Variants in QTRT2 observed in about 807,000 individuals in gnomAD.
QTRT2 encodes the protein queuine tRNA-ribosyltransferase accessory subunit 2, also known as queuine tRNA-ribosyltransferase domain containing 1.
Under a neutral mutation model 44.8 loss-of-function variants are expected in QTRT2, and 32 were observed. The observed-to-expected ratio is 0.71, with a 90% CI of 0.54 to 0.96. The LOEUF is 0.96. Among genes scored for constraint, QTRT2 ranks in the 40% least tolerant of loss-of-function variants. The pLI is 0.00. For synonymous variants in QTRT2, 182 were observed against 187.4 expected (o/e 0.97, Z 0.24); for missense variants, 461 against 503.1 (o/e 0.92, Z 0.80).
chr3:114,084,628 G>A (rs1031087114), intron 9 of QTRT2, among the ~76,000 whole-genome samples: 5 of 152,146 alleles, frequency 3.3e-5, no homozygotes, highest in African/African-American at 1.2e-4. Context: ...CTTAGGCCTA[G>A]TGTGTGCCCA....
intron 8 of QTRT2, among the ~76,000 whole-genome samples, chr3:114,082,083 G>A (rs1374716124): frequency 2.6e-5 from 4 of 152,010 alleles, no homozygotes; most frequent in Non-Finnish European, 5.9e-5. Context: ...TAGAGGGCCA[G>A]TGTCTCCATA....
intron 4 of QTRT2, 105 bp from the exon 5 acceptor site, chr3:114,067,882 G>T: frequency 1.2e-6 from 1 of 867,242 alleles, no homozygotes; most frequent in Non-Finnish European, 1.9e-6. Context: ...ACAGTGTTTA[G>T]AGTTGCTTTA....
chr3:114,083,286 G>T (rs1433121999), intron 9 of QTRT2, among the ~76,000 whole-genome samples: 1 of 143,682 alleles, frequency 7.0e-6, no homozygotes, highest in Non-Finnish European at 1.5e-5. Flanking sequence ...TGTTGTTGTT[G>T]CTGTTGTTGT....
At chr3:114,061,028 C>T (rs2076880623) in intron 2 of QTRT2, among the ~76,000 whole-genome samples, 2 of 152,152 alleles carry the variant, frequency 1.3e-5, no homozygotes, top group Admixed American at 6.5e-5. Context: ...CAATTTCAAA[C>T]TTATGTTTAT....
intron 5 of QTRT2, among the ~76,000 whole-genome samples, chr3:114,070,045 T>A (rs151293963): frequency 0.012 from 1,871 of 152,116 alleles, 19 homozygotes; most frequent in Non-Finnish European, 0.021. Context: ...GAGGAGTGAG[T>A]GATCGATTAT....
chr3:114,069,263 T>G (rs1406657829), intron 5 of QTRT2, among the ~76,000 whole-genome samples: 2 of 152,124 alleles, frequency 1.3e-5, no homozygotes, highest in African/African-American at 2.4e-5. Context: ...TTTATTTTTG[T>G]TTCGGGGGTA....
In QTRT2 at chr3:114,086,041, G is replaced by T. The variant is rs1190737568; in HGVS notation, c.*137G>T. On this transcript the variant is annotated 3_prime_UTR_variant, in exon 10 of 10. Coordinates refer to ENST00000281273, the MANE Select transcript of QTRT2 (RefSeq NM_024638.4). ...AGGTCTGCTTAAATAAAGAATCTTT[G>T]TACCAAACTGCCCACATGAGGGTGA... 2.8e-6 allele frequency: 2 copies of T among 705,648 alleles called. No individual in the cohort carries two copies. Among genetic ancestry groups the T allele is most frequent in the Admixed American group, 2.5e-5 (1 of 39,900 alleles). 43.7% of individuals were successfully genotyped at this position (705,648 alleles called of 1,614,324 possible).
chr3:114,084,876 C>T (rs1367789631), intron 9 of QTRT2, among the ~76,000 whole-genome samples: 1 of 152,142 alleles, frequency 6.6e-6, no homozygotes, highest in Admixed American at 6.5e-5. Flanking sequence ...AAATAGTTAT[C>T]TCCAAGAATG....
At chr3:114,069,848 T>C (rs1391201615) in intron 5 of QTRT2, among the ~76,000 whole-genome samples, 1 of 152,144 alleles carries the variant, frequency 6.6e-6, no homozygotes, top group African/African-American at 2.4e-5. Flanking sequence ...AACTAGGAGA[T>C]TTAAGTCTTT....
In QTRT2 at chr3:114,070,760, C is replaced by T. The variant is rs74391826; in HGVS notation, c.468C>T (p.Ser156=). Reference sequence around the variant, plus strand: ...AAGTATCTTGTAAGGAAGCAACTTCCATAAAAAGGGTCAGAAAGTCTGTTG... The same window carrying T: ...AAGTATCTTGTAAGGAAGCAACTTCTATAAAAAGGGTCAGAAAGTCTGTTG... ...DGEVSCKEAT[S]IKRVRKSVDR... is the part of the protein sequence containing the mutation. Residue 156 remains serine (S), a synonymous_variant, in exon 6 of 10, where the codon TCC becomes TCT. Transcript: ENST00000281273. The T allele has an allele frequency of 1.5e-4, 245 of 1,613,966 alleles. 2 individuals are homozygous for T. The African/African-American group carries it at 3.1e-3, about 21-fold the overall frequency.
intron 2 of QTRT2, among the ~76,000 whole-genome samples, chr3:114,064,970 G>C (rs746260153): frequency 6.6e-6 from 1 of 151,996 alleles, no homozygotes; most frequent in East Asian, 1.9e-4. Flanking sequence ...TCATTTGTTT[G>C]GTTTTCATCA....
chr3:114,065,179 T>G, intron 2 of QTRT2, 58 bp from the exon 3 acceptor site: 1 of 1,185,178 alleles, frequency 8.4e-7, no homozygotes, highest in Non-Finnish European at 1.2e-6. Flanking sequence ...TTTTGCAAAA[T>G]GCTTGGCCTC....
chr3:114,068,025 C>T lies in QTRT2; in HGVS notation c.295C>T (p.Pro99Ser). The T allele has an allele frequency of 6.2e-7, 1 of 1,613,920 alleles. No individual in the cohort carries two copies. The part of the protein sequence containing the change: ...ESLLYCSLHD[P>S]VSPCPAGYVT... ...ACTCTTGTACTGCTCCCTGCACGAT[C>T]CAGTCAGCCCCTGCCCGGCTGGTTA... Residue 99 changes from proline (P) to serine (S), a missense_variant, in exon 5 of 10, where the codon CCA (proline) becomes TCA (serine). By Grantham distance (74) the Pro-to-Ser change is moderately conservative. Coordinates refer to ENST00000281273, the MANE Select transcript of QTRT2 (RefSeq NM_024638.4).
intron 6 of QTRT2, among the ~76,000 whole-genome samples, chr3:114,074,689 T>A (rs1254778876): frequency 6.6e-6 from 1 of 152,244 alleles, no homozygotes; most frequent in Non-Finnish European, 1.5e-5. Flanking sequence ...CATCCCTTTC[T>A]TCTACTGGAG....
chr3:114,071,918 C>G (rs1462623831), intron 6 of QTRT2, among the ~76,000 whole-genome samples: 1 of 152,184 alleles, frequency 6.6e-6, no homozygotes. Flanking sequence ...CATGGACAGC[C>G]TGCTGTGATG....
At chr3:114,061,670 C>T (rs1368798808) in intron 2 of QTRT2, among the ~76,000 whole-genome samples, 1 of 152,168 alleles carries the variant, frequency 6.6e-6, no homozygotes, top group African/African-American at 2.4e-5. Context: ...CTCTGCCTCC[C>T]TGGCTTAAGG....
At chr3:114,077,631 T>A (rs2077108619) in intron 7 of QTRT2, 1 of 152,308 alleles carries the variant, frequency 6.6e-6, no homozygotes, top group Non-Finnish European at 1.5e-5. Flanking sequence ...CCTGCATGTA[T>A]ATTAAGAAGT....
At chr3:114,057,749 AAT>A (rs2076821227) in intron 2 of QTRT2, among the ~76,000 whole-genome samples, 1 of 152,234 alleles carries the variant, frequency 6.6e-6, no homozygotes, top group Admixed American at 6.5e-5. Flanking sequence ...ATTATAGTAT[AAT>A]ATGTTTCCAT....
chr3:114,081,473 GA>G (rs1444667368), intron 8 of QTRT2, among the ~76,000 whole-genome samples: 1 of 152,130 alleles, frequency 6.6e-6, no homozygotes, highest in East Asian at 1.9e-4. Flanking sequence ...GAGTTGTGAT[GA>G]AAATTATAAG....
Sources: gnomAD v4.1 joint callset for allele counts (sites outside exome capture counted in the v4.1 genomes callset) on GRCh38, gnomAD v4.1.1 for gene constraint, MANE v1.5 for transcripts, NCBI Gene and HGNC (gene_info 2026-07-23, HGNC 2026-07-21) for gene names.